The following SLFN12L variants were observed in gnomAD, a reference collection of about 807,000 sequenced individuals.
SLFN12L encodes schlafen family member 12 like.
A neutral mutation model predicts 34.8 loss-of-function variants in SLFN12L; 34 were observed. That is an observed-to-expected ratio of 0.98 (90% CI 0.74 to 1.30). SLFN12L has a LOEUF of 1.30. Among genes scored for constraint, SLFN12L ranks in the 50% most tolerant of loss-of-function variants. SLFN12L has a pLI of 0.00. For synonymous variants in SLFN12L, 259 were observed against 247.5 expected, an observed-to-expected ratio of 1.05 and a Z score of -0.44; for missense variants, 703 against 696.2, an observed-to-expected ratio of 1.01 and a Z score of -0.11.
At position 35,517,768 on chromosome 17, in the gene SLFN12L, C is replaced by T. The variant is rs201069777; in HGVS notation, c.86+4511G>A. 1.1e-4 allele frequency among the ~76,000 whole-genome samples: 17 copies of T among 152,190 alleles called. No homozygotes were observed. In the East Asian group the frequency reaches 2.3e-3, roughly 21 times the overall value. ...CACACATCTACAACCATCTGATCTT[C>T]GACAAAACTGACAAAACAAACAATG... On this transcript the variant is annotated intron_variant, in intron 2 of 4. Transcript: ENST00000628453.
chr17:35,495,500 G>A lies in SLFN12L; in HGVS notation c.87-15305C>T, dbSNP rs150309673. Among the ~76,000 whole-genome samples, 7 of 152,296 alleles carry A rather than the reference G, an allele frequency of 4.6e-5. No homozygotes were observed. The East Asian group carries it at 1.4e-3, about 29-fold the overall frequency. Reference sequence around the variant, plus strand: ...GCTCTGTGCACTGGCGGCAGCCGTGGTCTCCGGCCCAGTTTGTGGCATCTC... The same window carrying A: ...GCTCTGTGCACTGGCGGCAGCCGTGATCTCCGGCCCAGTTTGTGGCATCTC... On this transcript the variant is annotated intron_variant, in intron 2 of 4. Transcript: ENST00000628453.
intron 2 of SLFN12L, among the ~76,000 whole-genome samples, chr17:35,496,757 G>A (rs900566677): frequency 2.2e-4 from 33 of 152,134 alleles, no homozygotes; most frequent in Non-Finnish European, 3.4e-4. Flanking sequence ...AAGCGAGATC[G>A]CCTTCTCAGC....
At chr17:35,487,633 T>C (rs974980393) in intron 2 of SLFN12L, 19 of 1,345,516 alleles carry the variant, frequency 1.4e-5, no homozygotes, top group Middle Eastern at 1.8e-4. Context: ...CGTGAATAGC[T>C]CTGAGGGATC....
intron 2 of SLFN12L, among the ~76,000 whole-genome samples, chr17:35,486,462 A>G (rs1049086800): frequency 3.9e-5 from 6 of 152,280 alleles, no homozygotes; most frequent in African/African-American, 1.4e-4. Flanking sequence ...GAGCCACCTT[A>G]TAGAGGACCG....
At chr17:35,524,363 T>G (rs1268520257) in intron 1 of SLFN12L, among the ~76,000 whole-genome samples, 2 of 152,214 alleles carry the variant, frequency 1.3e-5, no homozygotes. Flanking sequence ...TAGCACAGCG[T>G]TCGAGCTTGC....
At chr17:35,500,193 A>G (rs1915241683) in intron 2 of SLFN12L, 1 of 152,114 alleles carries the variant, frequency 6.6e-6, no homozygotes, top group Non-Finnish European at 1.5e-5. Flanking sequence ...TGGCCTTTGA[A>G]TTTTTGATTA....
chr17:35,479,207 T>C lies in SLFN12L; in HGVS notation c.1075A>G (p.Lys359Glu), dbSNP rs778093799. 6.3e-7 allele frequency: 1 copy of C among 1,584,432 alleles called. No individual in the cohort carries two copies. The highest frequency in any genetic ancestry group is 8.6e-7 in the Non-Finnish European group (1 of 1,163,662). Residue 359 changes from lysine (K) to glutamate (E), a missense_variant, in exon 3 of 5, where the codon AAA becomes GAA. Coordinates refer to ENST00000628453, the MANE Select transcript of SLFN12L (RefSeq NM_001363830.2). Reference protein sequence around the residue: ...VERFCCAVFAKKPDSWHVKDN... With the variant: ...VERFCCAVFAEKPDSWHVKDN... Reference sequence around the variant, plus strand: ...TTCACGTGCCAGGAATCAGGCTTTTTAGCAAACACTGCACAGCAGAAGCGT... The same window carrying C: ...TTCACGTGCCAGGAATCAGGCTTTTCAGCAAACACTGCACAGCAGAAGCGT...
At chr17:35,495,366 A>G (rs1180248917) in intron 2 of SLFN12L, among the ~76,000 whole-genome samples, 3 of 152,292 alleles carry the variant, frequency 2.0e-5, no homozygotes, top group Non-Finnish European at 4.4e-5. Context: ...GTTTCTAGGT[A>G]GGTCAATTTC....
chr17:35,530,514 AAAG>A lies in SLFN12L; in HGVS notation c.-606+7056_-606+7058del, dbSNP rs1264227850. 3.1e-4 allele frequency among the ~76,000 whole-genome samples: 9 copies of A among 28,842 alleles called. 1 individual carries two copies. Among genetic ancestry groups the A allele is most frequent in the Admixed American group, 1.4e-3 (5 of 3,586 alleles). 18.9% of individuals were successfully genotyped at this position (28,842 alleles called of 152,430 possible). A position where few individuals can be genotyped will look rare whatever the true frequency, so the allele number is the denominator to read the frequency against. ...AAAGAAAGAAAGAAAGAAAGAAAGAAAAGAAAAGAAAAGAAAAGAAAAGAAAAG... is the reference window on the plus strand; with the variant it reads ...AAAGAAAGAAAGAAAGAAAGAAAGAAAAAAGAAAAGAAAAGAAAAGAAAAG... On this transcript the variant is annotated intron_variant, in intron 1 of 4. Transcript: ENST00000628453.
intron 2 of SLFN12L, among the ~76,000 whole-genome samples, chr17:35,494,926 G>A (rs896944762): frequency 7.5e-6 from 1 of 134,018 alleles, no homozygotes; most frequent in Non-Finnish European, 1.6e-5. Context: ...TATTTATTGA[G>A]ACAGGGTCTC....
intron 2 of SLFN12L, chr17:35,490,940 C>A (rs1410135090): frequency 5.1e-6 from 4 of 788,204 alleles, no homozygotes; most frequent in Non-Finnish European, 7.0e-6. Flanking sequence ...TATCCTTAAA[C>A]CCACCTCGTT....
chr17:35,498,586 A>G (rs1235662673), intron 2 of SLFN12L: 1 of 1,583,232 alleles, frequency 6.3e-7, no homozygotes, highest in Non-Finnish European at 8.7e-7. Flanking sequence ...AGCCGCTTCC[A>G]TGGAATGTTT....
chr17:35,479,966 C>T lies in SLFN12L; in HGVS notation c.316G>A (p.Glu106Lys), dbSNP rs1418195956. 3.1e-6 allele frequency: 5 copies of T among 1,614,158 alleles called. No homozygotes were observed. The highest frequency in any genetic ancestry group is 4.2e-6 in the Non-Finnish European group (5 of 1,179,996). The part of the protein sequence containing the change: ...SGGGVIKAEV[E>K]NKGYSYKKDG... ...TTTTTATAACTATAGCCTTTATTCT[C>T]AACTTCAGCCTTGATCACTCCCCCT... The change falls in exon 3 of 5, where the codon GAG becomes AAG. Residue 106 changes from glutamate to lysine, a missense_variant. Transcript: ENST00000628453.
intron 2 of SLFN12L, among the ~76,000 whole-genome samples, chr17:35,493,934 G>A (rs766227770): frequency 9.9e-5 from 15 of 152,018 alleles, no homozygotes; most frequent in African/African-American, 3.1e-4. Flanking sequence ...TTTGTTGTAC[G>A]TGTAGATCTG....
rs976036955 is a variant in SLFN12L at position 35,465,288 on chromosome 17, A to G, written c.*9635T>C. Among the ~76,000 whole-genome samples the G allele has an allele frequency of 2.0e-5, 3 of 152,150 alleles. No homozygotes were observed. On this transcript the variant is annotated 3_prime_UTR_variant, in exon 5 of 5. Coordinates refer to ENST00000628453, the MANE Select transcript of SLFN12L (RefSeq NM_001363830.2). The stretch of plus-strand genomic sequence containing the variant: ...TATACTTATGCCTGAGGTTCCAACA[A>G]ATTTAAACATTGTACCCCATATAAT...
chr17:35,509,765 T>C (rs1009402070), intron 2 of SLFN12L, among the ~76,000 whole-genome samples: 2 of 151,990 alleles, frequency 1.3e-5, no homozygotes, highest in Admixed American at 6.6e-5. Flanking sequence ...TGGCGTGATC[T>C]CAGCTCACTG....
At chr17:35,478,436 G>A (rs891301291) in intron 3 of SLFN12L, 9 of 262,264 alleles carry the variant, frequency 3.4e-5, no homozygotes, top group African/African-American at 2.1e-4. Context: ...TGCATTGATA[G>A]CAATTTAATA....
chr17:35,491,676 G>C (rs1340385619), intron 2 of SLFN12L, among the ~76,000 whole-genome samples: 5 of 152,232 alleles, frequency 3.3e-5, no homozygotes, highest in African/African-American at 1.2e-4. Context: ...TCCACAGAAT[G>C]CATGTCTTTG....
intron 1 of SLFN12L, among the ~76,000 whole-genome samples, chr17:35,530,498 A>AAGAGAGAGAG (rs1378647380): frequency 2.6e-5 from 1 of 38,746 alleles, no homozygotes; most frequent in African/African-American, 7.0e-5. Context: ...GAAAGAAAGA[A>AAGAGAGAGAG]AGAAAGAAAG....
Sources: allele counts gnomAD v4.1 joint callset (sites outside exome capture counted in the v4.1 genomes callset), GRCh38; gene constraint gnomAD v4.1.1; transcripts MANE v1.5; gene names NCBI Gene and HGNC (gene_info 2026-07-23, HGNC 2026-07-21).